TSNAX: variants seen among roughly 807,000 people sequenced by gnomAD.
The protein encoded by TSNAX is translin associated factor X, also known as translin-associated protein X.
A neutral mutation model predicts 33.0 loss-of-function variants in TSNAX; 12 were observed. The ratio of observed to expected loss-of-function variants is 0.36; its 90% CI spans 0.23 to 0.59. TSNAX has a LOEUF of 0.59. Ranked by LOEUF, TSNAX falls within the 20% of genes least tolerant of loss-of-function variation. The pLI, the probability that TSNAX is intolerant of heterozygous loss-of-function variation, is 0.74. For missense variants in TSNAX, 267 were observed against 341.3 expected (o/e 0.78, Z 1.72); for synonymous variants, 110 against 117.2 (o/e 0.94, Z 0.40).
rs1572106416 is a variant in TSNAX, at chr1:231,537,419, G to A, written c.236+92G>A. On this transcript the variant is annotated intron_variant, in intron 3 of 5. Coordinates refer to ENST00000366639, the MANE Select transcript of TSNAX (RefSeq NM_005999.3). Reference sequence around the variant, plus strand: ...GAGGATTAGAAGACATCAGCAGTAGGTACAACTTAAGAGTTAATATTTTAA... The same window carrying A: ...GAGGATTAGAAGACATCAGCAGTAGATACAACTTAAGAGTTAATATTTTAA... 8 of 802,434 alleles carry A rather than the reference G, an allele frequency of 1.0e-5. No homozygotes were observed. The East Asian group carries it at 1.8e-4, about 18-fold the overall frequency. The allele number at this position is 802,434 out of a possible 1,614,324, so 49.7% of individuals were successfully genotyped here. A position where few individuals can be genotyped will look rare whatever the true frequency, so the allele number is the denominator to read the frequency against.
intron 2 of TSNAX, among the ~76,000 whole-genome samples, chr1:231,532,185 C>CACACACAG (rs1356252515): frequency 1.3e-4 from 15 of 116,132 alleles, no homozygotes; most frequent in African/African-American, 4.0e-4. Context: ...CACACACACA[C>CACACACAG]AGTTTTGGTT....
At chr1:231,559,417 C>T (rs1412804349) in intron 4 of TSNAX, among the ~76,000 whole-genome samples, 3 of 152,146 alleles carry the variant, frequency 2.0e-5, no homozygotes, top group African/African-American at 7.2e-5. Flanking sequence ...CAAGCCCCAC[C>T]TCCCGGGTTC....
At chr1:231,543,071 C>T (rs1290598533) in intron 4 of TSNAX, among the ~76,000 whole-genome samples, 13 of 151,452 alleles carry the variant, frequency 8.6e-5, no homozygotes, top group Admixed American at 4.6e-4. Context: ...CCAGCTACTC[C>T]GGAGGCTGAG....
intron 2 of TSNAX, among the ~76,000 whole-genome samples, chr1:231,531,777 G>T (rs923995383): frequency 1.3e-5 from 2 of 152,128 alleles, no homozygotes; most frequent in African/African-American, 2.4e-5. Flanking sequence ...GGAGTGAAAA[G>T]ACTTGGGAAA....
At chr1:231,533,481 T>C (rs940324819) in intron 2 of TSNAX, among the ~76,000 whole-genome samples, 1 of 152,242 alleles carries the variant, frequency 6.6e-6, no homozygotes, top group Non-Finnish European at 1.5e-5. Context: ...AAACCCAGGA[T>C]CTTTAATGTC....
intron 4 of TSNAX, among the ~76,000 whole-genome samples, chr1:231,548,857 G>C (rs534268732): frequency 6.6e-6 from 1 of 152,342 alleles, no homozygotes; most frequent in East Asian, 1.9e-4. Flanking sequence ...ATTGTCTAAG[G>C]AGAGTGTAGA....
chr1:231,557,130 G>A (rs1341693578), intron 4 of TSNAX, among the ~76,000 whole-genome samples: 2 of 152,166 alleles, frequency 1.3e-5, no homozygotes, highest in Non-Finnish European at 1.5e-5. Flanking sequence ...ATTGTTGGAA[G>A]TGTTGATTTT....
At chr1:231,535,409 CTG>C (rs1415453837) in intron 2 of TSNAX, 1 of 152,016 alleles carries the variant, frequency 6.6e-6, no homozygotes, top group East Asian at 1.9e-4. Context: ...ATTTTGTTAA[CTG>C]TTAAGAATTT....
chr1:231,529,079 T>C (rs927344732), intron 1 of TSNAX, among the ~76,000 whole-genome samples, 176 bp from the exon 2 acceptor site: 2 of 152,206 alleles, frequency 1.3e-5, no homozygotes, highest in Non-Finnish European at 2.9e-5. Flanking sequence ...TGGTGGAAAC[T>C]TGGATGATTT....
At chr1:231,539,282 TATAAAG>T (rs1322792669) in intron 3 of TSNAX, among the ~76,000 whole-genome samples, 4 of 152,156 alleles carry the variant, frequency 2.6e-5, no homozygotes, top group Non-Finnish European at 5.9e-5. Context: ...AAAGCAATAA[TATAAAG>T]AAAAACATAC....
chr1:231,543,805 C>T (rs1659729602), intron 4 of TSNAX, among the ~76,000 whole-genome samples: 1 of 152,100 alleles, frequency 6.6e-6, no homozygotes. Context: ...AAATGAAATA[C>T]AGTCTGCCAT....
At chr1:231,539,149 A>G (rs1659389720) in intron 3 of TSNAX, among the ~76,000 whole-genome samples, 1 of 152,172 alleles carries the variant, frequency 6.6e-6, no homozygotes, top group Non-Finnish European at 1.5e-5. Context: ...TAGCTTGTAC[A>G]TAATAAGGCT....
In TSNAX at chr1:231,529,305, A is replaced by G. The variant is rs1558115664; in HGVS notation, c.67A>G (p.Arg23Gly). ...RKHDNFPHNQ[R>G]REGKDVNSSS... The stretch of plus-strand genomic sequence containing the variant: ...GCATGACAATTTCCCACATAACCAA[A>G]GAAGAGAAGGGAAGGATGTTAATTC... Residue 23 changes from arginine to glycine, a missense_variant, in exon 2 of 6, where the codon AGA becomes GGA. Physicochemically the swap from Arg to Gly is moderately radical, Grantham distance 125. Coordinates refer to ENST00000366639, the MANE Select transcript of TSNAX (RefSeq NM_005999.3). 1 of 1,614,228 alleles carries G rather than the reference A, an allele frequency of 6.2e-7. No individual in the cohort carries two copies. Among genetic ancestry groups the G allele is most frequent in the Non-Finnish European group, 8.5e-7 (1 of 1,180,038 alleles).
At chr1:231,553,114 G>T (rs1372287139) in intron 4 of TSNAX, among the ~76,000 whole-genome samples, 1 of 152,106 alleles carries the variant, frequency 6.6e-6, no homozygotes, top group African/African-American at 2.4e-5. Context: ...ATATACCTAG[G>T]AGCGGAATTA....
chr1:231,541,488 A>G (rs776025684), intron 3 of TSNAX, among the ~76,000 whole-genome samples: 1 of 152,034 alleles, frequency 6.6e-6, no homozygotes, highest in Non-Finnish European at 1.5e-5. Context: ...CCCCTCTACT[A>G]GCTTGGCCTT....
chr1:231,559,416 C>T (rs949825468), intron 4 of TSNAX, among the ~76,000 whole-genome samples: 9 of 152,128 alleles, frequency 5.9e-5, no homozygotes, highest in Non-Finnish European at 8.8e-5. Flanking sequence ...ACAAGCCCCA[C>T]CTCCCGGGTT....
At chr1:231,546,820 A>G (rs559896593) in intron 4 of TSNAX, among the ~76,000 whole-genome samples, 23 of 152,282 alleles carry the variant, frequency 1.5e-4, no homozygotes, top group African/African-American at 5.1e-4. Flanking sequence ...TTACCAGTAC[A>G]TGATTTCCAA....
rs541772243 is a variant in TSNAX at position 231,564,277 on chromosome 1, A to G, written c.496-251A>G. 3.9e-5 allele frequency among the ~76,000 whole-genome samples: 6 copies of G among 152,310 alleles called. No homozygotes were observed. The East Asian group carries it at 1.2e-3, about 29-fold the overall frequency. On this transcript the variant is annotated intron_variant, in intron 5 of 5. Transcript: ENST00000366639. ...GTTGGAAATAGTTGGTTTCATAATGATATATTTCAAAAGTATCTTGAAGTC... is the reference window on the plus strand; with the variant it reads ...GTTGGAAATAGTTGGTTTCATAATGGTATATTTCAAAAGTATCTTGAAGTC...
chr1:231,532,946 GA>G (rs1658876404), intron 2 of TSNAX, among the ~76,000 whole-genome samples: 1 of 151,966 alleles, frequency 6.6e-6, no homozygotes, highest in Non-Finnish European at 1.5e-5. Context: ...TGTATTCTAA[GA>G]AAATTAAAAT....
Sources: gnomAD v4.1 joint callset for allele counts (sites outside exome capture counted in the v4.1 genomes callset) on GRCh38, gnomAD v4.1.1 for gene constraint, MANE v1.5 for transcripts, NCBI Gene and HGNC (gene_info 2026-07-23, HGNC 2026-07-21) for gene names.